The following CDH11 variants were observed in gnomAD, a reference collection of about 807,000 sequenced individuals.
CDH11 encodes cadherin-11.
A neutral mutation model predicts 67.8 loss-of-function variants in CDH11; 11 were observed. The observed-to-expected ratio is 0.16, with a 90% CI of 0.10 to 0.27. CDH11 has a LOEUF of 0.27. Ranked by LOEUF, CDH11 falls within the 10% of genes least tolerant of loss-of-function variation. The pLI, the probability that CDH11 is intolerant of heterozygous loss-of-function variation, is 1.00. For missense variants in CDH11, 847 were observed against 1,031.2 expected (o/e 0.82, Z 2.45); for synonymous variants, 419 against 400.0 (o/e 1.05, Z -0.57).
chr16:65,078,006 G>GT lies in CDH11; in HGVS notation c.-297-24079dup, dbSNP rs1393057242. Among the ~76,000 whole-genome samples the GT allele has an allele frequency of 3.3e-5, 5 of 152,304 alleles. No individual in the cohort carries two copies. In the East Asian group the frequency reaches 9.6e-4, roughly 29 times the overall value. Reference sequence around the variant, plus strand: ...TTCTGAAGTAGAGGGTAGCAATTAGGTTGATCCTCTGATTTGTGAACTATG... The same window carrying GT: ...TTCTGAAGTAGAGGGTAGCAATTAGGTTTGATCCTCTGATTTGTGAACTATG... On this transcript the variant is annotated intron_variant, in intron 1 of 12. Transcript: ENST00000268603.
At position 65,066,352 on chromosome 16, in the gene CDH11, A is replaced by G. The variant is rs553298577; in HGVS notation, c.-297-12424T>C. ...GCCAACCACTGTGATTGGTGGAGAT[A>G]ATGACACAGTGTAATTCTGTGAGCA... On this transcript the variant is annotated intron_variant, in intron 1 of 12. Transcript: ENST00000268603. Among the ~76,000 whole-genome samples the G allele has an allele frequency of 1.1e-4, 17 of 152,316 alleles. No homozygotes were observed. In the South Asian group the frequency reaches 3.3e-3, roughly 30 times the overall value.
intron 12 of CDH11, chr16:64,948,753 C>A (rs757505185): frequency 5.2e-5 from 84 of 1,602,260 alleles, no homozygotes; most frequent in Non-Finnish European, 7.1e-5. Flanking sequence ...TCATGTCTTC[C>A]CTGGGAGAGG....
chr16:65,106,039 T>TA (rs552821066), intron 1 of CDH11, among the ~76,000 whole-genome samples: 4 of 152,206 alleles, frequency 2.6e-5, no homozygotes, highest in Non-Finnish European at 4.4e-5. Flanking sequence ...ATGAGCCTAC[T>TA]ATCAACTTGA....
intron 1 of CDH11, among the ~76,000 whole-genome samples, chr16:65,114,701 C>T (rs1006511051): frequency 6.6e-6 from 1 of 152,146 alleles, no homozygotes. Flanking sequence ...ACCGGCGAGC[C>T]GCAGATGGGA....
At chr16:65,084,980 A>C (rs1363530004) in intron 1 of CDH11, among the ~76,000 whole-genome samples, 2 of 152,036 alleles carry the variant, frequency 1.3e-5, no homozygotes, top group Non-Finnish European at 2.9e-5. Context: ...CACTACCTCA[A>C]CTCACAGCAA....
intron 3 of CDH11, among the ~76,000 whole-genome samples, chr16:64,999,573 G>T (rs1354260453): frequency 6.6e-6 from 1 of 151,736 alleles, no homozygotes; most frequent in African/African-American, 2.4e-5. Flanking sequence ...TCACTCTGTT[G>T]CCCAGGCTGG....
At chr16:64,948,391 T>C (rs903525458) in intron 12 of CDH11, among the ~76,000 whole-genome samples, 4 of 152,188 alleles carry the variant, frequency 2.6e-5, no homozygotes, top group Non-Finnish European at 1.5e-5. Context: ...GTCATCTTCC[T>C]AAGAACTAGG....
Position 64,946,392 on chromosome 16 carries a change from A to G in CDH11, c.*1211T>C. On this transcript the variant is annotated 3_prime_UTR_variant, in exon 13 of 13. Transcript: ENST00000268603. ...ATAGAATGTATACCTGGAACATTAG[A>G]GTTCTGATAGCTCCATTCCCTCATG... The G allele has an allele frequency of 1.9e-6, 2 of 1,036,896 alleles. No individual in the cohort carries two copies. The highest frequency in any genetic ancestry group is 4.5e-4 in the Middle Eastern group (1 of 2,236). 64.2% of individuals were successfully genotyped at this position (1,036,896 alleles called of 1,614,324 possible).
At chr16:64,968,440 G>T in intron 11 of CDH11, 1 of 984,634 alleles carries the variant, frequency 1.0e-6, no homozygotes, top group South Asian at 4.7e-5. Flanking sequence ...CTCAAAACCT[G>T]GGCAGACATG....
intron 1 of CDH11, among the ~76,000 whole-genome samples, chr16:65,100,441 T>C (rs979022793): frequency 6.6e-6 from 1 of 151,294 alleles, no homozygotes; most frequent in African/African-American, 2.4e-5. Context: ...AAAACAAAAG[T>C]ATCTTAAGAA....
At chr16:65,059,476 C>T (rs7204729) in intron 1 of CDH11, 68,234 of 152,046 alleles carry the variant, frequency 0.45, 16,344 homozygotes, top group East Asian at 0.76. Context: ...CGCCGATGGA[C>T]GGGCGTAGAG....
At chr16:65,064,550 G>A (rs2074283733) in intron 1 of CDH11, among the ~76,000 whole-genome samples, 1 of 152,202 alleles carries the variant, frequency 6.6e-6, no homozygotes, top group African/African-American at 2.4e-5. Context: ...GGGGGAAATG[G>A]AGACATACCT....
At chr16:65,111,091 T>C (rs2142882415) in intron 1 of CDH11, among the ~76,000 whole-genome samples, 1 of 152,260 alleles carries the variant, frequency 6.6e-6, no homozygotes, top group East Asian at 1.9e-4. Context: ...ACCCATAGCA[T>C]GAGACTAGGA....
At position 64,998,801 on chromosome 16, in the gene CDH11, T is replaced by C. The variant is rs1203582809; in HGVS notation, c.284A>G (p.Glu95Gly). ...DGNIKYILSGEGAGTIFVIDD... is the reference protein window; with the variant it reads ...DGNIKYILSGGGAGTIFVIDD... ...AATCACAAAAATGGTTCCAGCTCCTTCCCCTGAGAGAATGTATTTAATGTT... is the reference window on the plus strand; with the variant it reads ...AATCACAAAAATGGTTCCAGCTCCTCCCCCTGAGAGAATGTATTTAATGTT... Residue 95 changes from glutamate to glycine, a missense_variant, in exon 4 of 13, where the codon GAA (glutamate) becomes GGA (glycine). Coordinates refer to ENST00000268603, the MANE Select transcript of CDH11 (RefSeq NM_001797.4). 1 of 1,613,984 alleles carries C rather than the reference T, an allele frequency of 6.2e-7. No individual in the cohort carries two copies.
intron 2 of CDH11, among the ~76,000 whole-genome samples, chr16:65,016,998 T>A (rs1464393818): frequency 2.6e-5 from 4 of 152,206 alleles, no homozygotes; most frequent in Non-Finnish European, 5.9e-5. Context: ...TGGGAGTGTC[T>A]TTAAGCAGAG....
chr16:65,104,984 G>T (rs891179008), intron 1 of CDH11, among the ~76,000 whole-genome samples: 3 of 152,086 alleles, frequency 2.0e-5, no homozygotes. Flanking sequence ...AAGAATTCTG[G>T]CCTCACAGAT....
In CDH11 at chr16:64,971,686, G is replaced by T. The variant is rs775120047; in HGVS notation, c.1535C>A (p.Thr512Lys). The T allele has an allele frequency of 1.2e-6, 2 of 1,606,884 alleles. No homozygotes were observed. Among genetic ancestry groups the T allele is most frequent in the Non-Finnish European group, 1.7e-6 (2 of 1,173,902 alleles). ...GTCATCCTTGTCATCTGCACTAATT[G>T]TAACAATTGGCTGAAAGAGAAAGGT... The part of the protein sequence containing the change: ...TKPLSNQPIV[T>K]ISADDKDDTA... The change falls in exon 11 of 13, where the codon ACA (threonine) becomes AAA (lysine). Residue 512 changes from threonine to lysine, a missense_variant. Thr to Lys is a moderately conservative substitution (Grantham distance 78). Transcript: ENST00000268603.
At position 64,944,195 on chromosome 16, in the gene CDH11, G is replaced by C. The variant is rs140735741; in HGVS notation, c.*3408C>G. 3.8e-4 allele frequency: 89 copies of C among 232,944 alleles called. No individual in the cohort carries two copies. The East Asian group carries it at 5.3e-3, about 14-fold the overall frequency. 14.4% of individuals were successfully genotyped at this position (232,944 alleles called of 1,614,324 possible). On this transcript the variant is annotated 3_prime_UTR_variant, in exon 13 of 13. Transcript: ENST00000268603. ...TTAAGTTACGAAGTCATGTGATCTG[G>C]GTTGTGTGTTAAAAGTATCCCTCTG...
chr16:65,068,078 GGA>G (rs111970287), intron 1 of CDH11, among the ~76,000 whole-genome samples: 27,781 of 121,982 alleles, frequency 0.23, 3,988 homozygotes, highest in Non-Finnish European at 0.32. Flanking sequence ...AGGGAGAGAA[GGA>G]GAGAGAGAAG....
Sources: gnomAD v4.1 joint callset for allele counts (sites outside exome capture counted in the v4.1 genomes callset) on GRCh38, gnomAD v4.1.1 for gene constraint, MANE v1.5 for transcripts, NCBI Gene and HGNC (gene_info 2026-07-23, HGNC 2026-07-21) for gene names.